ESD: variants seen among roughly 807,000 people sequenced by gnomAD.
The protein encoded by ESD is esterase D.
ESD carries 34 observed loss-of-function variants against 38.1 expected under a neutral mutation model. The ratio of observed to expected loss-of-function variants is 0.89; its 90% CI spans 0.68 to 1.19. ESD has a LOEUF of 1.19. Among genes scored for constraint, ESD ranks in the 50% most tolerant of loss-of-function variants. The pLI is 0.00. For missense variants in ESD, 334 were observed against 327.2 expected (o/e 1.02, Z -0.16); for synonymous variants, 97 against 107.0 (o/e 0.91, Z 0.58).
intron 2 of ESD, 45 bp from the exon 3 acceptor site, chr13:46,791,465 C>T (rs753895035): frequency 6.9e-7 from 1 of 1,452,208 alleles, no homozygotes; most frequent in Admixed American, 2.0e-5. Context: ...GAATTAGTTA[C>T]TGAAAAACTT....
intron 2 of ESD, among the ~76,000 whole-genome samples, 186 bp from the exon 3 acceptor site, chr13:46,791,606 C>T (rs1369870157): frequency 6.6e-6 from 1 of 151,988 alleles, no homozygotes; most frequent in Non-Finnish European, 1.5e-5. Context: ...TGCATTTACA[C>T]TTGTTACTCA....
chr13:46,791,314 G>A, intron 3 of ESD, 32 bp downstream of exon 3: 1 of 1,455,884 alleles, frequency 6.9e-7, no homozygotes. Context: ...AACAGAATGA[G>A]GTATCTAAAA....
chr13:46,781,660 A>C, intron 6 of ESD, 45 bp from the exon 7 acceptor site: 1 of 1,542,828 alleles, frequency 6.5e-7, no homozygotes, highest in Non-Finnish European at 8.9e-7. Flanking sequence ...AAAGAAAATA[A>C]GTTCAGACAT....
At chr13:46,787,451 T>C (rs984559495) in intron 3 of ESD, among the ~76,000 whole-genome samples, 1 of 151,984 alleles carries the variant, frequency 6.6e-6, no homozygotes, top group Non-Finnish European at 1.5e-5. Flanking sequence ...TGACAAATCA[T>C]CTTTCATAAA....
At chr13:46,791,109 A>G (rs988855993) in intron 3 of ESD, among the ~76,000 whole-genome samples, 8 of 152,198 alleles carry the variant, frequency 5.3e-5, no homozygotes, top group Admixed American at 1.3e-4. Flanking sequence ...ATAAAGTTTC[A>G]GAAGAGCATC....
intron 4 of ESD, among the ~76,000 whole-genome samples, chr13:46,786,328 A>C (rs910318901): frequency 1.3e-5 from 2 of 152,000 alleles, no homozygotes; most frequent in Non-Finnish European, 2.9e-5. Flanking sequence ...AGTTACAGGA[A>C]CCAATTTGAA....
At chr13:46,779,810 C>G in intron 8 of ESD, 125 bp downstream of exon 8, 2 of 316,586 alleles carry the variant, frequency 6.3e-6, no homozygotes, top group Admixed American at 5.1e-5. Context: ...ATATATATAT[C>G]TTTTGCTAAT....
chr13:46,791,886 C>A (rs1282653657), intron 2 of ESD, among the ~76,000 whole-genome samples: 1 of 151,972 alleles, frequency 6.6e-6, no homozygotes, highest in Non-Finnish European at 1.5e-5. Flanking sequence ...TGTAACATTA[C>A]TGAACACTTA....
intron 1 of ESD, among the ~76,000 whole-genome samples, chr13:46,795,892 C>T (rs560362625): frequency 1.3e-5 from 2 of 152,026 alleles, no homozygotes; most frequent in Admixed American, 6.5e-5. Context: ...GTAGTTGGGA[C>T]CACAGGTGGC....
chr13:46,797,092 A>T lies in ESD; in HGVS notation c.-56+13T>A, dbSNP rs1875614139. 1 of 152,332 alleles carries T rather than the reference A, an allele frequency of 6.6e-6. No individual in the cohort carries two copies. Among genetic ancestry groups the T allele is most frequent in the Non-Finnish European group, 1.5e-5 (1 of 68,156 alleles). The allele number at this position is 152,332 out of a possible 1,614,324, so 9.4% of individuals were successfully genotyped here. A position where few individuals can be genotyped will look rare whatever the true frequency, so the allele number is the denominator to read the frequency against. The stretch of plus-strand genomic sequence containing the variant: ...CTGACAACGTCCAGGCCTCTACCCG[A>T]ACCCAGTCTTACCTACGGTGGCGGA... On this transcript the variant is annotated intron_variant, in intron 1 of 9. Coordinates refer to ENST00000378720, the MANE Select transcript of ESD (RefSeq NM_001984.2).
intron 1 of ESD, among the ~76,000 whole-genome samples, chr13:46,796,043 T>C (rs1194038978): frequency 2.0e-5 from 3 of 152,134 alleles, no homozygotes; most frequent in African/African-American, 7.2e-5. Flanking sequence ...TTAAAAAAAA[T>C]ATAGCATCTA....
intron 5 of ESD, among the ~76,000 whole-genome samples, chr13:46,783,092 CAT>C (rs1043213326): frequency 2.0e-5 from 3 of 152,090 alleles, no homozygotes; most frequent in Non-Finnish European, 2.9e-5. Flanking sequence ...GTACTCTGAA[CAT>C]ATGTTTCCTT....
At chr13:46,772,327 T>C (rs1450230447) in intron 9 of ESD, among the ~76,000 whole-genome samples, 2 of 151,764 alleles carry the variant, frequency 1.3e-5, no homozygotes, top group Non-Finnish European at 3.0e-5. Flanking sequence ...TGTAGGTAAA[T>C]GGAGAAATAA....
chr13:46,793,138 AT>A (rs1452062490), intron 2 of ESD, among the ~76,000 whole-genome samples: 1 of 152,124 alleles, frequency 6.6e-6, no homozygotes, highest in Non-Finnish European at 1.5e-5. Flanking sequence ...CTTTTAAAGT[AT>A]TTTTTCTACC....
intron 3 of ESD, among the ~76,000 whole-genome samples, chr13:46,789,038 G>A (rs1263697223): frequency 6.6e-6 from 1 of 152,134 alleles, no homozygotes; most frequent in African/African-American, 2.4e-5. Flanking sequence ...TGTGGCTAGT[G>A]GGACTGAAGT....
intron 8 of ESD, among the ~76,000 whole-genome samples, chr13:46,778,859 G>C (rs1315220889): frequency 6.6e-6 from 1 of 151,768 alleles, no homozygotes; most frequent in East Asian, 1.9e-4. Context: ...TAATTAGTTA[G>C]AATTTCAGTA....
Position 46,780,133 on chromosome 13 carries a change from C to T in ESD, c.502-100G>A, listed in dbSNP as rs1309852589. 5.3e-6 allele frequency: 4 copies of T among 752,356 alleles called. No individual in the cohort carries two copies. The African/African-American group carries it at 5.5e-5, about 10-fold the overall frequency. The allele number at this position is 752,356 out of a possible 1,614,324, so 46.6% of individuals were successfully genotyped here. A position where few individuals can be genotyped will look rare whatever the true frequency, so the allele number is the denominator to read the frequency against. On this transcript the variant is annotated intron_variant, in intron 7 of 9. Transcript: ENST00000378720. Reference sequence around the variant, plus strand: ...TTAAAAATATAGAAGTTACTTGCAACTTGCTTAAAAATTCTGACTTGCCAT... The same window carrying T: ...TTAAAAATATAGAAGTTACTTGCAATTTGCTTAAAAATTCTGACTTGCCAT...
chr13:46,797,203 C>T (rs1875621751), upstream of ESD: 1 of 152,396 alleles, frequency 6.6e-6, no homozygotes. Context: ...TATGATGCCC[C>T]GCCCCTCCGG....
At chr13:46,785,452 A>ACTACTTTT (rs1312016906) in intron 4 of ESD, among the ~76,000 whole-genome samples, 1 of 152,044 alleles carries the variant, frequency 6.6e-6, no homozygotes, top group Non-Finnish European at 1.5e-5. Flanking sequence ...TTCACTTGGG[A>ACTACTTTT]AAGATACAAA....
Sources: allele counts gnomAD v4.1 joint callset (sites outside exome capture counted in the v4.1 genomes callset), GRCh38; gene constraint gnomAD v4.1.1; transcripts MANE v1.5; gene names NCBI Gene and HGNC (gene_info 2026-07-23, HGNC 2026-07-21).